The following KCMF1 variants were observed in gnomAD, a reference collection of about 807,000 sequenced individuals.
The protein encoded by KCMF1 is potassium channel modulatory factor 1.
Under a neutral mutation model 41.1 loss-of-function variants are expected in KCMF1, and 3 were observed. The observed-to-expected ratio is 0.07, with a 90% CI of 0.03 to 0.19. KCMF1 has a LOEUF of 0.19. Among genes scored for constraint, KCMF1 ranks in the 10% least tolerant of loss-of-function variants. The pLI, the probability that KCMF1 is intolerant of heterozygous loss-of-function variation, is 1.00. For missense variants in KCMF1, 286 were observed against 488.9 expected (o/e 0.58, Z 3.91); for synonymous variants, 142 against 164.5 (o/e 0.86, Z 1.04).
chr2:85,008,314 T>TATATCATATATA (rs1558573451), intron 1 of KCMF1, among the ~76,000 whole-genome samples: 9 of 101,028 alleles, frequency 8.9e-5, no homozygotes, highest in Admixed American at 3.1e-4. Flanking sequence ...TAATATGATA[T>TATATCATATATA]ATATATCATA....
chr2:85,014,332 C>T (rs1674714909), intron 1 of KCMF1, among the ~76,000 whole-genome samples: 1 of 152,132 alleles, frequency 6.6e-6, no homozygotes, highest in Non-Finnish European at 1.5e-5. Flanking sequence ...GTTCTGAAGG[C>T]ATCTACTTCT....
intron 4 of KCMF1, among the ~76,000 whole-genome samples, chr2:85,044,432 T>C (rs1028386823): frequency 2.6e-5 from 4 of 152,114 alleles, no homozygotes; most frequent in African/African-American, 7.2e-5. Context: ...TGGAGTACAA[T>C]GGTGCTATCT....
At chr2:84,973,278 C>A (rs906670736) in intron 1 of KCMF1, among the ~76,000 whole-genome samples, 1 of 152,162 alleles carries the variant, frequency 6.6e-6, no homozygotes, top group African/African-American at 2.4e-5. Flanking sequence ...AATTCCTTCA[C>A]CCCCAGTGCT....
At chr2:84,977,315 T>C (rs572857359) in intron 1 of KCMF1, among the ~76,000 whole-genome samples, 2 of 152,308 alleles carry the variant, frequency 1.3e-5, no homozygotes, top group Admixed American at 1.3e-4. Flanking sequence ...GCCTTTTGCC[T>C]CCCTATAGAA....
chr2:84,995,416 G>A lies in KCMF1; in HGVS notation c.16+23949G>A, dbSNP rs2103982715. ...TGATTCAGGTTTTTGTCTTTGGTAA[G>A]AATATTTCGTAGGTGCCGAATATGT... On this transcript the variant is annotated intron_variant, in intron 1 of 6. Coordinates refer to ENST00000409785, the MANE Select transcript of KCMF1 (RefSeq NM_020122.5). Among the ~76,000 whole-genome samples the A allele has an allele frequency of 3.3e-5, 5 of 152,290 alleles. No individual in the cohort carries two copies. In the South Asian group the frequency reaches 1.0e-3, roughly 32 times the overall value.
intron 3 of KCMF1, 73 bp from the exon 4 acceptor site, chr2:85,043,491 A>C (rs1242779771): frequency 1.2e-6 from 1 of 846,376 alleles, no homozygotes; most frequent in East Asian, 2.6e-5. Context: ...TAAAACTTAC[A>C]GCAGAATACT....
chr2:84,978,895 A>G (rs1271243994), intron 1 of KCMF1, among the ~76,000 whole-genome samples: 1 of 151,826 alleles, frequency 6.6e-6, no homozygotes, highest in Non-Finnish European at 1.5e-5. Flanking sequence ...TTGTGTTTTT[A>G]TAGAGACAGG....
At chr2:84,976,036 G>A (rs1055222033) in intron 1 of KCMF1, among the ~76,000 whole-genome samples, 2 of 152,102 alleles carry the variant, frequency 1.3e-5, no homozygotes, top group Non-Finnish European at 2.9e-5. Context: ...AGTCTGGCAA[G>A]GAAGATGCAT....
chr2:85,023,625 AG>A (rs1196754489), intron 1 of KCMF1, among the ~76,000 whole-genome samples: 1 of 152,128 alleles, frequency 6.6e-6, no homozygotes, highest in Non-Finnish European at 1.5e-5. Flanking sequence ...CCAGCCCCTG[AG>A]TAGCCTTTTT....
At chr2:85,003,597 A>AT (rs534766825) in intron 1 of KCMF1, among the ~76,000 whole-genome samples, 17 of 151,544 alleles carry the variant, frequency 1.1e-4, no homozygotes, top group African/African-American at 3.1e-4. Context: ...CTGTCATTTT[A>AT]TTTTTTTTAT....
intron 1 of KCMF1, among the ~76,000 whole-genome samples, chr2:85,022,544 G>T (rs189983273): frequency 9.3e-4 from 141 of 152,200 alleles, no homozygotes; most frequent in Middle Eastern, 3.4e-3. Flanking sequence ...CAGCCCAAAG[G>T]TTGTTGTAAA....
intron 1 of KCMF1, among the ~76,000 whole-genome samples, chr2:84,977,016 T>G (rs1173126730): frequency 3.3e-5 from 5 of 152,106 alleles, no homozygotes; most frequent in African/African-American, 9.7e-5. Flanking sequence ...CTCTCTCTCC[T>G]TTTTTATAAT....
chr2:84,977,588 T>C (rs1673582749), intron 1 of KCMF1, among the ~76,000 whole-genome samples: 1 of 151,776 alleles, frequency 6.6e-6, no homozygotes, highest in Non-Finnish European at 1.5e-5. Context: ...CCCGACTTTT[T>C]TTTTTTTTCT....
intron 1 of KCMF1, among the ~76,000 whole-genome samples, chr2:84,985,868 A>G (rs1472775386): frequency 6.6e-6 from 1 of 152,124 alleles, no homozygotes; most frequent in Non-Finnish European, 1.5e-5. Context: ...TAGGTCATCT[A>G]CATACATTAG....
chr2:85,023,184 G>A (rs1674990464), intron 1 of KCMF1, among the ~76,000 whole-genome samples: 1 of 151,772 alleles, frequency 6.6e-6, no homozygotes, highest in Non-Finnish European at 1.5e-5. Flanking sequence ...ACCGCGCCCG[G>A]CCAATACTGT....
intron 4 of KCMF1, among the ~76,000 whole-genome samples, chr2:85,045,718 T>C (rs1423739125): frequency 1.3e-5 from 2 of 152,242 alleles, no homozygotes; most frequent in Non-Finnish European, 2.9e-5. Context: ...AAATCTGTTT[T>C]CTGCTTAGCA....
At chr2:85,028,153 C>T in intron 2 of KCMF1, 97 bp downstream of exon 2, 1 of 689,706 alleles carries the variant, frequency 1.4e-6, no homozygotes, top group African/African-American at 1.8e-5. Context: ...AGCAGCATAC[C>T]ATAAGCCCCA....
At chr2:85,004,260 C>T (rs558384370) in intron 1 of KCMF1, among the ~76,000 whole-genome samples, 1 of 152,028 alleles carries the variant, frequency 6.6e-6, no homozygotes, top group South Asian at 2.1e-4. Flanking sequence ...ACCTGTAATC[C>T]CAGCACTTTG....
intron 1 of KCMF1, among the ~76,000 whole-genome samples, chr2:85,025,592 G>A (rs538473208): frequency 1.9e-4 from 29 of 151,954 alleles, no homozygotes; most frequent in Non-Finnish European, 1.8e-4. Flanking sequence ...GGCACATCTC[G>A]ATGGAATCAC....
Sources: allele counts gnomAD v4.1 joint callset (sites outside exome capture counted in the v4.1 genomes callset), GRCh38; gene constraint gnomAD v4.1.1; transcripts MANE v1.5; gene names NCBI Gene and HGNC (gene_info 2026-07-23, HGNC 2026-07-21).